Variants in PTPRD observed in about 807,000 individuals in gnomAD.
The protein encoded by PTPRD is receptor-type tyrosine-protein phosphatase delta.
PTPRD carries 34 observed loss-of-function variants against 214.5 expected under a neutral mutation model. That is an observed-to-expected ratio of 0.16 (90% CI 0.12 to 0.21). The LOEUF is 0.21. Among genes scored for constraint, PTPRD ranks in the 10% least tolerant of loss-of-function variants. The pLI, the probability that PTPRD is intolerant of heterozygous loss-of-function variation, is 1.00. For synonymous variants in PTPRD, 1,128 were observed against 845.7 expected (o/e 1.33, Z -5.79); for missense variants, 2,545 against 2,398.7 (o/e 1.06, Z -1.27).
At chr9:10,452,130 A>T (rs139152413) in intron 2 of PTPRD, among the ~76,000 whole-genome samples, 1 of 151,960 alleles carries the variant, frequency 6.6e-6, no homozygotes, top group African/African-American at 2.4e-5. Context: ...AGGTATTATC[A>T]ATAGATTATT....
chr9:10,369,391 T>C (rs1237001602), intron 2 of PTPRD, among the ~76,000 whole-genome samples: 1 of 151,938 alleles, frequency 6.6e-6, no homozygotes, highest in East Asian at 1.9e-4. Context: ...GTCCTGGTGG[T>C]GTGGTGGTAA....
At chr9:10,569,138 G>A (rs1432289702) in intron 2 of PTPRD, among the ~76,000 whole-genome samples, 2 of 152,018 alleles carry the variant, frequency 1.3e-5, no homozygotes, top group African/African-American at 4.8e-5. Flanking sequence ...CTAAAAAGAA[G>A]ACATTTATGC....
chr9:8,443,781 C>T (rs965673427), intron 34 of PTPRD, among the ~76,000 whole-genome samples: 3 of 152,052 alleles, frequency 2.0e-5, no homozygotes, highest in Non-Finnish European at 2.9e-5. Context: ...CCAATGCTAC[C>T]AGTAGCATCT....
At position 9,730,660 on chromosome 9, in the gene PTPRD, A is replaced by T. The variant is rs141113878; in HGVS notation, c.-287+3873T>A. Among the ~76,000 whole-genome samples the T allele has an allele frequency of 3.9e-5, 6 of 152,260 alleles. No individual in the cohort carries two copies. The East Asian group carries it at 1.2e-3, about 29-fold the overall frequency. On this transcript the variant is annotated intron_variant, in intron 7 of 45. Transcript: ENST00000381196. ...TGGGTTTTATTAAAAACTTACTAGG[A>T]TAATAGTATCTCAGTATATATAGTC...
At chr9:9,580,859 T>C (rs2090566877) in intron 7 of PTPRD, among the ~76,000 whole-genome samples, 1 of 152,108 alleles carries the variant, frequency 6.6e-6, no homozygotes, top group South Asian at 2.1e-4. Flanking sequence ...CTTAGCCTAC[T>C]TTTTAATGGG....
chr9:9,366,235 T>C (rs1477253707), intron 9 of PTPRD, among the ~76,000 whole-genome samples: 1 of 151,594 alleles, frequency 6.6e-6, no homozygotes, highest in Non-Finnish European at 1.5e-5. Context: ...ACTATATATA[T>C]GGCTTACACC....
rs564892094 is a variant in PTPRD at position 10,221,410 on chromosome 9, C to T, written c.-545+119553G>A. ...AAAAAACATGGATTCTAGAACTATC[C>T]TTTTTCCTAAGGGATTTTTTAAGCT... is the stretch of plus-strand genomic sequence containing the variant. On this transcript the variant is annotated intron_variant, in intron 3 of 45. Transcript: ENST00000381196. Among the ~76,000 whole-genome samples, 7 of 151,930 alleles carry T rather than the reference C, an allele frequency of 4.6e-5. No homozygotes were observed. In the South Asian group the frequency reaches 1.5e-3, roughly 32 times the overall value.
At chr9:8,771,338 C>A (rs935667576) in intron 11 of PTPRD, among the ~76,000 whole-genome samples, 1 of 152,074 alleles carries the variant, frequency 6.6e-6, no homozygotes, top group Non-Finnish European at 1.5e-5. Context: ...TCCGTGTACA[C>A]AAAATACTAA....
chr9:9,076,185 G>C (rs2099750873), intron 10 of PTPRD, among the ~76,000 whole-genome samples: 1 of 152,102 alleles, frequency 6.6e-6, no homozygotes, highest in African/African-American at 2.4e-5. Context: ...TTTTTCATGT[G>C]TCTGTTGGCT....
intron 3 of PTPRD, among the ~76,000 whole-genome samples, chr9:10,156,281 A>G (rs1554756186): frequency 6.6e-6 from 1 of 151,984 alleles, no homozygotes; most frequent in Non-Finnish European, 1.5e-5. Context: ...TAGTGCTCTA[A>G]ATTTCCTTCT....
intron 10 of PTPRD, among the ~76,000 whole-genome samples, chr9:9,030,773 C>A (rs10120940): frequency 0.088 from 13,337 of 151,912 alleles, 618 homozygotes; most frequent in East Asian, 0.12. Flanking sequence ...TGCTAAGATA[C>A]TTAAAAGGTT....
At chr9:8,486,519 G>C (rs2097016660) in intron 27 of PTPRD, 170 bp from the exon 28 acceptor site, 1 of 734,170 alleles carries the variant, frequency 1.4e-6, no homozygotes, top group Non-Finnish European at 2.5e-6. Context: ...TATGCTCCTT[G>C]TCTTACTTTA....
At chr9:8,858,509 G>T (rs2098007137) in intron 11 of PTPRD, among the ~76,000 whole-genome samples, 1 of 152,096 alleles carries the variant, frequency 6.6e-6, no homozygotes, top group African/African-American at 2.4e-5. Context: ...AAACGAAAAA[G>T]CCCAGGAAAG....
chr9:9,372,288 T>C (rs2139845436), intron 9 of PTPRD, among the ~76,000 whole-genome samples: 1 of 152,272 alleles, frequency 6.6e-6, no homozygotes, highest in Non-Finnish European at 1.5e-5. Flanking sequence ...TTTATGTATC[T>C]GGGTGCTCCT....
chr9:9,789,218 C>G (rs1475225932), intron 5 of PTPRD, among the ~76,000 whole-genome samples: 2 of 152,090 alleles, frequency 1.3e-5, no homozygotes, highest in African/African-American at 4.8e-5. Flanking sequence ...AGAAACCAGG[C>G]TCTAACTTTG....
At chr9:9,184,927 C>A (rs1338297081) in intron 9 of PTPRD, among the ~76,000 whole-genome samples, 1 of 151,968 alleles carries the variant, frequency 6.6e-6, no homozygotes, top group Non-Finnish European at 1.5e-5. Flanking sequence ...CCAAAATATC[C>A]TTTGGTAAAT....
rs538829055 is a variant in PTPRD, at chr9:10,359,935, T to C, written c.-599-18918A>G. On this transcript the variant is annotated intron_variant, in intron 2 of 45. Transcript: ENST00000381196. The stretch of plus-strand genomic sequence containing the variant: ...ATTTGCCAAATTACAGGGAGAATTG[T>C]ATATGTTGTTTTGAAAGCTGCATTT... 5.9e-5 allele frequency among the ~76,000 whole-genome samples: 9 copies of C among 152,318 alleles called. No individual in the cohort carries two copies. The South Asian group carries it at 1.2e-3, about 21-fold the overall frequency.
At chr9:8,504,181 G>T in intron 23 of PTPRD, 80 bp downstream of exon 23, 2 of 1,421,892 alleles carry the variant, frequency 1.4e-6, no homozygotes, top group Non-Finnish European at 9.9e-7. Context: ...TAGCAGGTTT[G>T]CTTATTGGTG....
intron 3 of PTPRD, among the ~76,000 whole-genome samples, chr9:10,281,178 G>A (rs1415124964): frequency 6.6e-6 from 1 of 152,106 alleles, no homozygotes; most frequent in Non-Finnish European, 1.5e-5. Context: ...AGAAACATCT[G>A]AAAATGAGTA....
Sources: allele counts gnomAD v4.1 joint callset (sites outside exome capture counted in the v4.1 genomes callset), GRCh38; gene constraint gnomAD v4.1.1; transcripts MANE v1.5; gene names NCBI Gene and HGNC (gene_info 2026-07-23, HGNC 2026-07-21).